DENND4B: variants seen among roughly 807,000 people sequenced by gnomAD.
The protein encoded by DENND4B is DENN domain containing 4B, also known as DENN domain-containing protein 4B.
DENND4B carries 67 observed loss-of-function variants against 161.0 expected under a neutral mutation model. The ratio of observed to expected loss-of-function variants is 0.42; its 90% CI spans 0.34 to 0.51. The LOEUF (loss-of-function observed/expected upper bound fraction) is 0.51. DENND4B is among the 20% of genes least tolerant of loss of function. The pLI, the probability that DENND4B is intolerant of heterozygous loss-of-function variation, is 0.08. For missense variants in DENND4B, 1,481 were observed against 1,968.0 expected (o/e 0.75, Z 4.68); for synonymous variants, 753 against 813.8 (o/e 0.93, Z 1.27).
rs777103977 is a variant in DENND4B, at chr1:153,941,786, A to G, written c.1055+83T>C. The stretch of plus-strand genomic sequence containing the variant: ...TTACCCTGTGCCCAGCCCTCCCCCC[A>G]CCCACATCTGAATCTCTCCCATCTC... On this transcript the variant is annotated intron_variant, in intron 6 of 27. Coordinates refer to ENST00000361217, the MANE Select transcript of DENND4B (RefSeq NM_014856.3). 6.9e-4 allele frequency: 288 copies of G among 419,512 alleles called. 4 individuals carry two copies. The highest frequency in any genetic ancestry group is 9.8e-4 in the Non-Finnish European group (259 of 264,694). 26.0% of individuals were successfully genotyped at this position (419,512 alleles called of 1,614,324 possible).
chr1:153,939,484 T>A (rs948848017), intron 12 of DENND4B, 105 bp downstream of exon 12: 2 of 1,283,192 alleles, frequency 1.6e-6, no homozygotes, highest in African/African-American at 1.5e-5. Context: ...AGTGAAGGAA[T>A]AAACAATGGA....
chr1:153,931,919 T>A (rs984140923), intron 24 of DENND4B, among the ~76,000 whole-genome samples: 1 of 151,910 alleles, frequency 6.6e-6, no homozygotes, highest in African/African-American at 2.4e-5. Flanking sequence ...TTCTCCCACC[T>A]CAGCCTCCCG....
In DENND4B at chr1:153,940,668, G is replaced by A; in HGVS notation, c.1327-62C>T. The A allele has an allele frequency of 6.4e-7, 1 of 1,562,428 alleles. No individual in the cohort carries two copies. Among genetic ancestry groups the A allele is most frequent in the African/African-American group, 1.4e-5 (1 of 73,842 alleles). On this transcript the variant is annotated intron_variant, in intron 9 of 27. Transcript: ENST00000361217. The surrounding 1 kb of genome is among the most constrained non-coding windows in gnomAD (Gnocchi z 5.6). ...GTTGAGGCAGCAGTGGGAGGCACAG[G>A]AGAGAGAAAGAGAGGGCATTGGCCT... is the stretch of plus-strand genomic sequence containing the variant.
At chr1:153,935,093 A>G in intron 17 of DENND4B, 129 bp from the exon 18 acceptor site, 1 of 1,473,488 alleles carries the variant, frequency 6.8e-7, no homozygotes, top group Non-Finnish European at 9.0e-7. Flanking sequence ...CTGTCCGGCC[A>G]ATGGCTCAGC....
rs765694969 is a variant in DENND4B at position 153,932,210 on chromosome 1, G to A, written c.3990C>T (p.His1330=). Residue 1330 remains histidine, a synonymous_variant, in exon 24 of 28, where the codon CAC becomes CAT. Coordinates refer to ENST00000361217, the MANE Select transcript of DENND4B (RefSeq NM_014856.3). This position sits in a 1 kb window ranked among gnomAD's most constrained non-coding sequence, Gnocchi z 5.8. ...LVLASCDGPS[H]SQAPSPWLTP... Reference sequence around the variant, plus strand: ...GCCACATGGGGGCACTGACCTGGGAGTGCGAAGGCCCATCACAGGAGGCCA... The same window carrying A: ...GCCACATGGGGGCACTGACCTGGGAATGCGAAGGCCCATCACAGGAGGCCA... The A allele has an allele frequency of 6.2e-7, 1 of 1,613,450 alleles. No homozygotes were observed. The highest frequency in any genetic ancestry group is 8.5e-7 in the Non-Finnish European group (1 of 1,179,570).
Position 153,933,178 on chromosome 1 carries a change from T to A in DENND4B, c.3453+19A>T. ...CTATGTGTGTTCAAGCACATCTGTG[T>A]GGGAGGGGTTATCCTCACTTCCAGG... On this transcript the variant is annotated intron_variant, in intron 21 of 27. Coordinates refer to ENST00000361217, the MANE Select transcript of DENND4B (RefSeq NM_014856.3). This position sits in a 1 kb window ranked among gnomAD's most constrained non-coding sequence, Gnocchi z 5.7. 6.2e-7 allele frequency: 1 copy of A among 1,612,698 alleles called. No homozygotes were observed. The highest frequency in any genetic ancestry group is 2.2e-5 in the East Asian group (1 of 44,832).
chr1:153,933,406 T>C lies in DENND4B; in HGVS notation c.3330+77A>G. 6.2e-7 allele frequency: 1 copy of C among 1,606,744 alleles called. No homozygotes were observed. Among genetic ancestry groups the C allele is most frequent in the East Asian group, 2.2e-5 (1 of 44,772 alleles). On this transcript the variant is annotated intron_variant, in intron 20 of 27. Coordinates refer to ENST00000361217, the MANE Select transcript of DENND4B (RefSeq NM_014856.3). This position sits in a 1 kb window ranked among gnomAD's most constrained non-coding sequence, Gnocchi z 5.7. ...TTCAAGCACCCCTCAGAGCCCCCTT[T>C]TTGAGCATTCTTCCAGTCGTAGCCC... is the stretch of plus-strand genomic sequence containing the variant.
At position 153,941,052 on chromosome 1, in the gene DENND4B, C is replaced by G; in HGVS notation, c.1182-4G>C. 6.4e-7 allele frequency: 1 copy of G among 1,553,062 alleles called. No individual in the cohort carries two copies. The highest frequency in any genetic ancestry group is 1.4e-5 in the African/African-American group (1 of 73,414). ...CAGCTGCAGGAAGCTGGCACCACTG[C>G]AGGCAATGCCGAGGTGGGGAAAGGG... is the stretch of plus-strand genomic sequence containing the variant. On this transcript the variant is annotated splice_region_variant and splice_polypyrimidine_tract_variant and intron_variant, in intron 8 of 27. Coordinates refer to ENST00000361217, the MANE Select transcript of DENND4B (RefSeq NM_014856.3).
Position 153,940,770 on chromosome 1 carries a change from C to A in DENND4B, c.1326+134G>T. The A allele has an allele frequency of 1.4e-6, 2 of 1,445,826 alleles. No individual in the cohort carries two copies. The highest frequency in any genetic ancestry group is 4.9e-5 in the Admixed American group (2 of 40,802). The allele number at this position is 1,445,826 out of a possible 1,614,324, so 89.6% of individuals were successfully genotyped here. On this transcript the variant is annotated intron_variant, in intron 9 of 27. Transcript: ENST00000361217. The surrounding 1 kb of genome is among the most constrained non-coding windows in gnomAD (Gnocchi z 5.6). ...GAGCTCCTGATGGAAGCTATGTGTT[C>A]CTGCAGGCTGTGCCCAGGGAAAGGG... is the stretch of plus-strand genomic sequence containing the variant.
Position 153,931,011 on chromosome 1 carries a change from C to T in DENND4B, c.4050G>A (p.Leu1350=). The T allele has an allele frequency of 1.2e-6, 2 of 1,613,004 alleles. No homozygotes were observed. Among genetic ancestry groups the T allele is most frequent in the Non-Finnish European group, 1.7e-6 (2 of 1,179,596 alleles). ...PDPASVQVRL[L]WDVLTPDPNS... ...TGGGGTCAGGGGTCAGTACATCCCA[C>T]AGCAGCCGTACCTGAACAGAGGCTG... The change falls in exon 25 of 28, where the codon CTG becomes CTA. Residue 1350 remains leucine (L), a synonymous_variant. Coordinates refer to ENST00000361217, the MANE Select transcript of DENND4B (RefSeq NM_014856.3).
intron 24 of DENND4B, among the ~76,000 whole-genome samples, chr1:153,931,922 G>A (rs1294865387): frequency 6.6e-6 from 1 of 151,928 alleles, no homozygotes; most frequent in East Asian, 1.9e-4. Flanking sequence ...TCCCACCTCA[G>A]CCTCCCGAGT....
In DENND4B at chr1:153,941,927, A is replaced by G. The variant is rs776968358; in HGVS notation, c.997T>C (p.Phe333Leu). Reference sequence around the variant, plus strand: ...GAGTAGCGGTAAAGGAAGGTGAGGAAGGCGCGGAAGGCAGGGAAGGCAGGC... The same window carrying G: ...GAGTAGCGGTAAAGGAAGGTGAGGAGGGCGCGGAAGGCAGGGAAGGCAGGC... Reference protein sequence around the residue: ...RWPAFPAFRAFLTFLYRYSVS... With the variant: ...RWPAFPAFRALLTFLYRYSVS... The change falls in exon 6 of 28, where the codon TTC becomes CTC. Residue 333 changes from phenylalanine to leucine, a missense_variant. Physicochemically the swap from Phe to Leu is conservative, Grantham distance 22. Coordinates refer to ENST00000361217, the MANE Select transcript of DENND4B (RefSeq NM_014856.3). 1 of 1,612,420 alleles carries G rather than the reference A, an allele frequency of 6.2e-7. No homozygotes were observed. The highest frequency in any genetic ancestry group is 8.5e-7 in the Non-Finnish European group (1 of 1,179,866).
Position 153,932,493 on chromosome 1 carries a change from T to C in DENND4B, c.3760-53A>G. 1 of 1,559,184 alleles carries C rather than the reference T, an allele frequency of 6.4e-7. No homozygotes were observed. Among genetic ancestry groups the C allele is most frequent in the Non-Finnish European group, 8.7e-7 (1 of 1,150,216 alleles). ...AGAGGGCATGTACATCCCCAGAGCC[T>C]TGCCTCCCACTGAGCCACCACATCC... On this transcript the variant is annotated intron_variant, in intron 23 of 27. Coordinates refer to ENST00000361217, the MANE Select transcript of DENND4B (RefSeq NM_014856.3). The surrounding 1 kb of genome is among the most constrained non-coding windows in gnomAD (Gnocchi z 5.8).
At position 153,937,603 on chromosome 1, in the gene DENND4B, A is replaced by G; in HGVS notation, c.2117T>C (p.Phe706Ser). The G allele has an allele frequency of 6.2e-7, 1 of 1,612,680 alleles. No individual in the cohort carries two copies. Among genetic ancestry groups the G allele is most frequent in the Non-Finnish European group, 8.5e-7 (1 of 1,179,110 alleles). ...ESTPQYCYDG[F>S]PELRAELFES... ...AAACAACTCAGCCCGTAGCTCTGGG[A>G]ATCCATCATAGCTGGAGGGGCAGAG... The change falls in exon 15 of 28, where the codon TTC becomes TCC. Residue 706 changes from phenylalanine (F) to serine (S), a missense_variant. Physicochemically the swap from Phe to Ser is radical, Grantham distance 155. Around this residue, in one of 3 missense-constraint regions of DENND4B, gnomAD observed 806 missense variants for 1,134.4 expected, o/e 0.71. Transcript: ENST00000361217. This position sits in a 1 kb window ranked among gnomAD's most constrained non-coding sequence, Gnocchi z 4.7.
intron 6 of DENND4B, 94 bp downstream of exon 6, chr1:153,941,775 G>GGGGGGGGCCC: frequency 7.5e-7 from 1 of 1,338,174 alleles, no homozygotes; most frequent in Non-Finnish European, 1.0e-6. Flanking sequence ...CCTGTGCCCA[G>GGGGGGGGCCC]CCCTCCCCCC....
Position 153,942,868 on chromosome 1 carries a change from C to T in DENND4B, c.570+10G>A. The T allele has an allele frequency of 6.3e-7, 1 of 1,588,806 alleles. No homozygotes were observed. The stretch of plus-strand genomic sequence containing the variant: ...AAGAGGACCAGGTGTCAGCTCTTGG[C>T]CCCACTCACCATGCCAGGGTTGAGG... On this transcript the variant is annotated intron_variant, in intron 3 of 27. Transcript: ENST00000361217. The surrounding 1 kb of genome is among the most constrained non-coding windows in gnomAD (Gnocchi z 6.9).
chr1:153,941,987 G>C lies in DENND4B; in HGVS notation c.937C>G (p.Arg313Gly). 6.2e-7 allele frequency: 1 copy of C among 1,612,128 alleles called. No homozygotes were observed. Among genetic ancestry groups the C allele is most frequent in the Non-Finnish European group, 8.5e-7 (1 of 1,179,562 alleles). The change falls in exon 6 of 28, where the codon CGC becomes GGC. Residue 313 changes from arginine (R) to glycine (G), a missense_variant. Physicochemically the swap from Arg to Gly is moderately radical, Grantham distance 125. Around this residue, in one of 3 missense-constraint regions of DENND4B, gnomAD observed 806 missense variants for 1,134.4 expected, o/e 0.71. Coordinates refer to ENST00000361217, the MANE Select transcript of DENND4B (RefSeq NM_014856.3). ...AGCACAGCGATGGCACGCCGGCTGC[G>C]CACAGCTCTGCCCCCCAGTGCCCGA... ...RGRALGGRAV[R>G]SRRAIAVLSR...
At chr1:153,939,981 T>A (rs1679572135) in intron 11 of DENND4B, 175 bp downstream of exon 11, 2 of 810,962 alleles carry the variant, frequency 2.5e-6, no homozygotes, top group Non-Finnish European at 3.8e-6. Context: ...TCAGGAATAC[T>A]GTCTGCCCTT....
chr1:153,938,713 AT>A (rs1679494576), intron 13 of DENND4B, among the ~76,000 whole-genome samples, 186 bp downstream of exon 13: 1 of 151,468 alleles, frequency 6.6e-6, no homozygotes. Flanking sequence ...AAAAAAAAAA[AT>A]GAAAAATAAG....
Sources: gnomAD v4.1 joint callset for allele counts (sites outside exome capture counted in the v4.1 genomes callset) on GRCh38, gnomAD v4.1.1 for gene constraint, gnomAD v4.1.1 regional missense constraint, Gnocchi (gnomAD v3.1) non-coding constraint, MANE v1.5 for transcripts, NCBI Gene and HGNC (gene_info 2026-07-23, HGNC 2026-07-21) for gene names.